Variants in RGS8 observed in about 807,000 individuals in gnomAD.
The protein encoded by RGS8 is regulator of G-protein signaling 8.
In RGS8, 8 loss-of-function variants were observed where a neutral mutation model predicts 21.7. The ratio of observed to expected loss-of-function variants is 0.37; its 90% CI spans 0.22 to 0.66. The LOEUF is 0.66. Among genes scored for constraint, RGS8 ranks in the 30% least tolerant of loss-of-function variants. The probability of loss-of-function intolerance (pLI) is 0.59; values close to 1 mark genes in which losing one functional copy is unlikely to be tolerated. For synonymous variants in RGS8, 80 were observed against 83.6 expected (o/e 0.96, Z 0.24); for missense variants, 157 against 217.9 (o/e 0.72, Z 1.76).
chr1:182,672,677 T>C (rs1664222089), upstream of RGS8: 51 of 938,016 alleles, frequency 5.4e-5, 2 homozygotes, highest in South Asian at 7.0e-4. Flanking sequence ...GAAACTCACC[T>C]CTCTCCCTCA....
Position 182,671,306 on chromosome 1 carries a change from C to T in RGS8, c.-104+351G>A, listed in dbSNP as rs185660344. Among the ~76,000 whole-genome samples, 17 of 152,294 alleles carry T rather than the reference C, an allele frequency of 1.1e-4. No individual in the cohort carries two copies. In the East Asian group the frequency reaches 2.9e-3, roughly 26 times the overall value. On this transcript the variant is annotated intron_variant, in intron 2 of 6. Transcript: ENST00000483095. ...CCTTACCCATCCCAGCACCTCAGGG[C>T]TTTTATCCCATTTGGCCCTGGACTT...
chr1:182,695,637 G>A, the RGS8 span, among the ~76,000 whole-genome samples: 1 of 152,228 alleles, frequency 6.6e-6, no homozygotes, highest in East Asian at 1.9e-4. Flanking sequence ...ATTGCTCTTA[G>A]CCATTTAAGA....
At chr1:182,659,284 T>C (rs977732402) in intron 5 of RGS8, among the ~76,000 whole-genome samples, 12 of 152,240 alleles carry the variant, frequency 7.9e-5, no homozygotes, top group Non-Finnish European at 1.6e-4. Context: ...GTGGAGCCTG[T>C]ATCTGCAACT....
At chr1:182,721,040 C>CACATATATATGTGTGTATAT in the RGS8 span, among the ~76,000 whole-genome samples, 1 of 72,852 alleles carries the variant, frequency 1.4e-5, no homozygotes, top group Non-Finnish European at 2.8e-5. Context: ...TGTATATATA[C>CACATATATATGTGTGTATAT]ATATACATAC....
the RGS8 span, among the ~76,000 whole-genome samples, chr1:182,724,201 GATATATATATATATATATATATAT>G: frequency 9.8e-3 from 414 of 42,120 alleles, 14 homozygotes; most frequent in African/African-American, 0.021. Flanking sequence ...GGCTAGACTG[GATATATATATATATATATATATAT>G]ATATATATAT....
the RGS8 span, among the ~76,000 whole-genome samples, chr1:182,709,118 T>A: frequency 6.6e-6 from 1 of 152,246 alleles, no homozygotes; most frequent in Non-Finnish European, 1.5e-5. Flanking sequence ...TATGTATGTG[T>A]GGGTTTTTGT....
chr1:182,709,901 T>C, the RGS8 span, among the ~76,000 whole-genome samples: 1 of 152,214 alleles, frequency 6.6e-6, no homozygotes, highest in Admixed American at 6.5e-5. Context: ...AGTTCTTGGC[T>C]GCAAGCAACA....
At chr1:182,720,946 CATAT>C in the RGS8 span, among the ~76,000 whole-genome samples, 1 of 102,400 alleles carries the variant, frequency 9.8e-6, no homozygotes, top group Non-Finnish European at 2.0e-5. Flanking sequence ...CATATATATA[CATAT>C]ATACATACAT....
chr1:182,724,840 G>A, the RGS8 span, among the ~76,000 whole-genome samples: 16 of 152,234 alleles, frequency 1.1e-4, no homozygotes, highest in Admixed American at 6.5e-5. Context: ...TTACAGGCAT[G>A]AGCCACCGCG....
rs543921589 is a variant in RGS8 at position 182,649,856 on chromosome 1, C to T, written c.194-1553G>A. On this transcript the variant is annotated intron_variant, in intron 5 of 6. Transcript: ENST00000483095. ...GGTTATAAAAGACCCCGGCAATAATCTTTTATTTCTTTTCTAAAATCCCCC... is the reference window on the plus strand; with the variant it reads ...GGTTATAAAAGACCCCGGCAATAATTTTTTATTTCTTTTCTAAAATCCCCC... Among the ~76,000 whole-genome samples, 6 of 150,254 alleles carry T rather than the reference C, an allele frequency of 4.0e-5. No homozygotes were observed. The East Asian group carries it at 9.8e-4, about 24-fold the overall frequency.
the RGS8 span, among the ~76,000 whole-genome samples, chr1:182,742,059 G>A: frequency 7.9e-4 from 115 of 144,658 alleles, no homozygotes; most frequent in African/African-American, 3.3e-4. Context: ...CTCACATCCC[G>A]GACGGGGCGG....
At chr1:182,695,592 G>C in the RGS8 span, among the ~76,000 whole-genome samples, 1 of 152,168 alleles carries the variant, frequency 6.6e-6, no homozygotes, top group Non-Finnish European at 1.5e-5. Flanking sequence ...GAGTAGCTGG[G>C]ACTACAGGCA....
intron 3 of RGS8, among the ~76,000 whole-genome samples, 184 bp downstream of exon 4, chr1:182,669,440 C>G (rs562306916): frequency 7.9e-5 from 12 of 152,314 alleles, no homozygotes; most frequent in African/African-American, 2.9e-4. Context: ...TGCAAGGCCA[C>G]AACTTTGCAA....
At chr1:182,683,424 C>T (rs755268887) in intron 1 of RGS8, among the ~76,000 whole-genome samples, 2 of 152,128 alleles carry the variant, frequency 1.3e-5, no homozygotes, top group Non-Finnish European at 2.9e-5. Context: ...TTCTTCAAAT[C>T]TGTAAGAACA....
chr1:182,670,767 A>G (rs1043956309), intron 2 of RGS8, among the ~76,000 whole-genome samples: 2 of 152,238 alleles, frequency 1.3e-5, no homozygotes, highest in Non-Finnish European at 2.9e-5. Context: ...TGTTAAAACT[A>G]GAAAAAAAAA....
chr1:182,672,035 A>C (rs1264677998), upstream of RGS8: 18 of 610,902 alleles, frequency 2.9e-5, no homozygotes, highest in East Asian at 8.8e-4. Context: ...AGCCTCACTA[A>C]CCTGAAGCTC....
chr1:182,741,448 G>A, the RGS8 span, among the ~76,000 whole-genome samples: 1 of 142,088 alleles, frequency 7.0e-6, no homozygotes, highest in African/African-American at 2.6e-5. Flanking sequence ...GCGGCTGGCC[G>A]GGCAGAGGCG....
the RGS8 span, among the ~76,000 whole-genome samples, chr1:182,707,095 T>C: frequency 6.6e-6 from 1 of 151,330 alleles, no homozygotes; most frequent in Non-Finnish European, 1.5e-5. Context: ...GAGGTGGAGG[T>C]TGCATTGAGC....
the RGS8 span, among the ~76,000 whole-genome samples, chr1:182,722,699 G>A: frequency 7.9e-5 from 12 of 152,208 alleles, no homozygotes; most frequent in Middle Eastern, 6.8e-3. Context: ...CAGTCAGGCC[G>A]GGCGTGGTGG....
Sources: allele counts gnomAD v4.1 joint callset (sites outside exome capture counted in the v4.1 genomes callset), GRCh38; gene constraint gnomAD v4.1.1; transcripts MANE v1.5; gene names NCBI Gene and HGNC (gene_info 2026-07-23, HGNC 2026-07-21).